GALNT13: variants seen among roughly 807,000 people sequenced by gnomAD.
GALNT13 encodes the protein polypeptide N-acetylgalactosaminyltransferase 13, also known as UDP-GalNAc:polypeptide N-acetylgalactosaminyltransferase 13.
In GALNT13, 28 loss-of-function variants were observed where a neutral mutation model predicts 64.2. The ratio of observed to expected loss-of-function variants is 0.44; its 90% CI spans 0.32 to 0.60. The LOEUF (loss-of-function observed/expected upper bound fraction) is 0.60. Ranked by LOEUF, GALNT13 falls within the 20% of genes least tolerant of loss-of-function variation. The probability of loss-of-function intolerance (pLI) is 0.05; values close to 1 mark genes in which losing one functional copy is unlikely to be tolerated. For synonymous variants in GALNT13, 214 were observed against 224.6 expected (o/e 0.95, Z 0.42); for missense variants, 577 against 669.8 (o/e 0.86, Z 1.53).
rs575441080 is a variant in GALNT13, at chr2:153,962,147, G to T, written c.142+17508G>T. Reference sequence around the variant, plus strand: ...TGTCTCTTCTTGGCCCATATAATTTGATTTATAGCCCAAATTGGGCACATT... The same window carrying T: ...TGTCTCTTCTTGGCCCATATAATTTTATTTATAGCCCAAATTGGGCACATT... On this transcript the variant is annotated intron_variant, in intron 3 of 12. Transcript: ENST00000392825. Among the ~76,000 whole-genome samples the T allele has an allele frequency of 9.2e-5, 14 of 152,196 alleles. No individual in the cohort carries two copies. In the South Asian group the frequency reaches 2.9e-3, roughly 32 times the overall value.
chr2:154,096,792 A>G (rs1195894562), intron 3 of GALNT13, among the ~76,000 whole-genome samples: 1 of 152,050 alleles, frequency 6.6e-6, no homozygotes, highest in Non-Finnish European at 1.5e-5. Context: ...GGTTCTAAAA[A>G]ATTAAAATAT....
chr2:153,597,804 C>T, the GALNT13 span, among the ~76,000 whole-genome samples: 1 of 151,882 alleles, frequency 6.6e-6, no homozygotes, highest in Admixed American at 6.6e-5. Flanking sequence ...ATGAGCAACT[C>T]TAAAAAAGTA....
At chr2:153,557,597 C>A in the GALNT13 span, among the ~76,000 whole-genome samples, 1 of 152,178 alleles carries the variant, frequency 6.6e-6, no homozygotes, top group Non-Finnish European at 1.5e-5. Context: ...AGTTTGCAAT[C>A]TTTATATCTA....
At chr2:154,360,980 A>G (rs540284115) in intron 9 of GALNT13, among the ~76,000 whole-genome samples, 15 of 152,248 alleles carry the variant, frequency 9.9e-5, no homozygotes, top group African/African-American at 3.6e-4. Context: ...ATTTGAAAAC[A>G]AAAAATGAAA....
the GALNT13 span, among the ~76,000 whole-genome samples, chr2:153,627,350 C>T: frequency 6.6e-6 from 1 of 151,998 alleles, no homozygotes; most frequent in Non-Finnish European, 1.5e-5. Flanking sequence ...CATGTGAAAA[C>T]ATCCTTAGAG....
intron 1 of GALNT13, among the ~76,000 whole-genome samples, chr2:153,875,961 A>G (rs1435007946): frequency 6.6e-6 from 1 of 152,168 alleles, no homozygotes; most frequent in Non-Finnish European, 1.5e-5. Context: ...TGTCCCTGTC[A>G]GAAGGAACAT....
At chr2:154,161,898 A>G (rs1353733777) in intron 4 of GALNT13, among the ~76,000 whole-genome samples, 1 of 151,908 alleles carries the variant, frequency 6.6e-6, no homozygotes, top group Non-Finnish European at 1.5e-5. Flanking sequence ...CTCCTGCCTC[A>G]GCCACCCGAG....
the GALNT13 span, among the ~76,000 whole-genome samples, chr2:153,118,143 A>ACC: frequency 6.8e-6 from 1 of 147,798 alleles, no homozygotes; most frequent in African/African-American, 2.5e-5. Context: ...ACACACACAC[A>ACC]CACCCCACAT....
At chr2:154,007,479 C>A (rs1266061434) in intron 3 of GALNT13, among the ~76,000 whole-genome samples, 1 of 151,862 alleles carries the variant, frequency 6.6e-6, no homozygotes, top group Non-Finnish European at 1.5e-5. Context: ...CCTTTCATTT[C>A]TAAACATTAT....
the GALNT13 span, among the ~76,000 whole-genome samples, chr2:153,789,171 A>G: frequency 1.3e-5 from 2 of 152,126 alleles, no homozygotes; most frequent in Non-Finnish European, 2.9e-5. Flanking sequence ...CACATGACAC[A>G]TACTCTAAAA....
At chr2:153,093,414 AT>A in the GALNT13 span, among the ~76,000 whole-genome samples, 1 of 151,056 alleles carries the variant, frequency 6.6e-6, no homozygotes, top group African/African-American at 2.4e-5. Context: ...ACTTTTTTGT[AT>A]TTTAGTAGAG....
chr2:153,660,931 C>T, the GALNT13 span, among the ~76,000 whole-genome samples: 8 of 152,006 alleles, frequency 5.3e-5, no homozygotes, highest in South Asian at 2.1e-4. Context: ...AGGCACTGCC[C>T]GTGAAGCAGC....
chr2:153,858,717 TTTTA>T, the GALNT13 span, among the ~76,000 whole-genome samples: 7 of 152,134 alleles, frequency 4.6e-5, no homozygotes, highest in East Asian at 1.9e-4. Flanking sequence ...TTATAGGTTT[TTTTA>T]TTTATTTATG....
chr2:154,205,880 T>A (rs1687416602), intron 4 of GALNT13, among the ~76,000 whole-genome samples: 1 of 152,160 alleles, frequency 6.6e-6, no homozygotes, highest in Admixed American at 6.5e-5. Flanking sequence ...AGAAAAAAAA[T>A]TCTCTAGTTT....
chr2:154,146,257 T>C (rs541430982), intron 4 of GALNT13, among the ~76,000 whole-genome samples: 4 of 151,970 alleles, frequency 2.6e-5, no homozygotes, highest in East Asian at 1.9e-4. Flanking sequence ...ACTGTTACAC[T>C]GTAAGTTTCC....
At chr2:154,159,979 C>G (rs1280473796) in intron 4 of GALNT13, among the ~76,000 whole-genome samples, 1 of 152,124 alleles carries the variant, frequency 6.6e-6, no homozygotes, top group Non-Finnish European at 1.5e-5. Context: ...TTGCATTATT[C>G]CCATTTTATA....
In GALNT13 at chr2:154,451,108, G is replaced by A. The variant is rs1213568631; in HGVS notation, c.*557G>A. 4 of 152,068 alleles carry A rather than the reference G, an allele frequency of 2.6e-5. No individual in the cohort carries two copies. The highest frequency in any genetic ancestry group is 9.7e-5 in the African/African-American group (4 of 41,380). The allele number at this position is 152,068 out of a possible 1,614,324, so 9.4% of individuals were successfully genotyped here. A position where few individuals can be genotyped will look rare whatever the true frequency, so the allele number is the denominator to read the frequency against. On this transcript the variant is annotated 3_prime_UTR_variant, in exon 13 of 13. Coordinates refer to ENST00000392825, the MANE Select transcript of GALNT13 (RefSeq NM_052917.4). ...TTACATTGGATATTGAATTCATGGAGCCTTTACAGAAGCATCACATTTAAA... is the reference window on the plus strand; with the variant it reads ...TTACATTGGATATTGAATTCATGGAACCTTTACAGAAGCATCACATTTAAA...
chr2:153,933,465 T>C (rs1314390870), intron 2 of GALNT13, among the ~76,000 whole-genome samples: 2 of 152,208 alleles, frequency 1.3e-5, no homozygotes. Context: ...TCATTGCATG[T>C]GAGATGGTTC....
Position 154,374,499 on chromosome 2 carries a change from CT to C in GALNT13, c.1157-21491del, listed in dbSNP as rs11355480. 5.0e-3 allele frequency among the ~76,000 whole-genome samples: 766 copies of C among 152,180 alleles called. 9 individuals carry two copies. Among genetic ancestry groups the C allele is most frequent in the African/African-American group, 0.018 (729 of 41,514 alleles). ...GATAAGGCTCTAAATTAAAGCTGAA[CT>C]ATAAACTTCAAAATTGAGTAAGGAA... On this transcript the variant is annotated intron_variant, in intron 9 of 12. Transcript: ENST00000392825.
Sources: gnomAD v4.1 joint callset for allele counts (sites outside exome capture counted in the v4.1 genomes callset) on GRCh38, gnomAD v4.1.1 for gene constraint, MANE v1.5 for transcripts, NCBI Gene and HGNC (gene_info 2026-07-23, HGNC 2026-07-21) for gene names.